SLC35E2B: variants seen among roughly 807,000 people sequenced by gnomAD.
SLC35E2B encodes the protein solute carrier family 35, member E2B.
In SLC35E2B, 18 loss-of-function variants were observed where a neutral mutation model predicts 32.4. The ratio of observed to expected loss-of-function variants is 0.56; its 90% CI spans 0.38 to 0.82. The LOEUF is 0.82. SLC35E2B is among the 40% of genes least tolerant of loss of function. SLC35E2B has a pLI of 0.00. For synonymous variants in SLC35E2B, 132 were observed against 209.1 expected (o/e 0.63, Z 3.18); for missense variants, 263 against 469.5 (o/e 0.56, Z 4.06).
In SLC35E2B at chr1:1,665,306, CCT is replaced by C; in HGVS notation, c.*474_*475del. On this transcript the variant is annotated 3_prime_UTR_variant, in exon 10 of 10. Transcript: ENST00000617444. Reference sequence around the variant, plus strand: ...CCCTTCCTTCCAGGGCCCTCTGTCCCCTCCCTTCGGCCCTGCTCTGTGGCCTC... The same window carrying C: ...CCCTTCCTTCCAGGGCCCTCTGTCCCCCCTTCGGCCCTGCTCTGTGGCCTC... 1 of 336,608 alleles carries C rather than the reference CCT, an allele frequency of 3.0e-6. No individual in the cohort carries two copies. The highest frequency in any genetic ancestry group is 5.4e-6 in the Non-Finnish European group (1 of 186,400). The allele number at this position is 336,608 out of a possible 1,614,324, so 20.9% of individuals were successfully genotyped here.
At chr1:1,668,010 AC>A (rs1343623378) in intron 9 of SLC35E2B, among the ~76,000 whole-genome samples, 1 of 151,724 alleles carries the variant, frequency 6.6e-6, no homozygotes, top group South Asian at 2.1e-4. Flanking sequence ...CCAGCATCAC[AC>A]CCGGCTAATT....
At position 1,666,038 on chromosome 1, in the gene SLC35E2B, G is replaced by C; in HGVS notation, c.981-19C>G. 1 of 1,545,842 alleles carries C rather than the reference G, an allele frequency of 6.5e-7. No individual in the cohort carries two copies. Among genetic ancestry groups the C allele is most frequent in the South Asian group, 1.2e-5 (1 of 83,478 alleles). ...GGCGACGCTGCGGAGGCAAGGGGAG[G>C]CAGCAGGGGCGCTCAGGGCTATGGT... On this transcript the variant is annotated intron_variant, in intron 9 of 9. Transcript: ENST00000617444.
intron 2 of SLC35E2B, among the ~76,000 whole-genome samples, chr1:1,687,331 C>T (rs1180100962): frequency 6.6e-6 from 1 of 152,188 alleles, no homozygotes; most frequent in Non-Finnish European, 1.5e-5. Context: ...AATCCTAGCA[C>T]TTTGGGAGGC....
At chr1:1,690,299 CA>C (rs201505712) in intron 2 of SLC35E2B, among the ~76,000 whole-genome samples, 2,229 of 87,934 alleles carry the variant, frequency 0.025, 84 homozygotes, top group African/African-American at 0.072. Flanking sequence ...AAAAAAGAAA[CA>C]AAAAAAAATA....
rs1643512948 is a variant in SLC35E2B at position 1,665,319 on chromosome 1, C to T, written c.*463G>A. 1 of 371,788 alleles carries T rather than the reference C, an allele frequency of 2.7e-6. No homozygotes were observed. Among genetic ancestry groups the T allele is most frequent in the African/African-American group, 2.1e-5 (1 of 47,860 alleles). The allele number at this position is 371,788 out of a possible 1,614,324, so 23.0% of individuals were successfully genotyped here. Reference sequence around the variant, plus strand: ...GGCCCTCTGTCCCCTCCCTTCGGCCCTGCTCTGTGGCCTCATGCCCAGGGC... The same window carrying T: ...GGCCCTCTGTCCCCTCCCTTCGGCCTTGCTCTGTGGCCTCATGCCCAGGGC... On this transcript the variant is annotated 3_prime_UTR_variant, in exon 10 of 10. Coordinates refer to ENST00000617444, the MANE Select transcript of SLC35E2B (RefSeq NM_001290264.2).
rs138811241 is a variant in SLC35E2B, at chr1:1,678,316, G to A, written c.-147-1470C>T. ...AAGACCTCGCCTGGGTGCTCAGGCCGGCCTCTCCCCCAGCTCACCTGCCCA... is the reference window on the plus strand; with the variant it reads ...AAGACCTCGCCTGGGTGCTCAGGCCAGCCTCTCCCCCAGCTCACCTGCCCA... On this transcript the variant is annotated intron_variant, in intron 2 of 9. Coordinates refer to ENST00000617444, the MANE Select transcript of SLC35E2B (RefSeq NM_001290264.2). 3.3e-3 allele frequency among the ~76,000 whole-genome samples: 506 copies of A among 152,078 alleles called. 5 individuals are homozygous for A. Among genetic ancestry groups the A allele is most frequent in the African/African-American group, 0.011 (468 of 41,450 alleles).
At chr1:1,684,187 G>A (rs1330278281) in intron 2 of SLC35E2B, among the ~76,000 whole-genome samples, 1 of 152,148 alleles carries the variant, frequency 6.6e-6, no homozygotes, top group Non-Finnish European at 1.5e-5. Flanking sequence ...CCCCCAGCCC[G>A]TCCTTTGGCT....
Position 1,664,105 on chromosome 1 carries a change from C to T in SLC35E2B, c.*1677G>A, listed in dbSNP as rs530610094. 182 of 498,996 alleles carry T rather than the reference C, an allele frequency of 3.6e-4. 8 individuals carry two copies. The highest frequency in any genetic ancestry group is 4.5e-4 in the Non-Finnish European group (172 of 384,700). The allele number at this position is 498,996 out of a possible 1,614,324, so 30.9% of individuals were successfully genotyped here. On this transcript the variant is annotated 3_prime_UTR_variant, in exon 10 of 10. Coordinates refer to ENST00000617444, the MANE Select transcript of SLC35E2B (RefSeq NM_001290264.2). Reference sequence around the variant, plus strand: ...GGCTGAGGTGGGAGGATCATTTGAGCCCAGGAAGTCGAGGCTGCAGTGAGC... The same window carrying T: ...GGCTGAGGTGGGAGGATCATTTGAGTCCAGGAAGTCGAGGCTGCAGTGAGC...
chr1:1,685,428 A>AG (rs1302117672), intron 2 of SLC35E2B, among the ~76,000 whole-genome samples: 10 of 151,384 alleles, frequency 6.6e-5, no homozygotes, highest in African/African-American at 9.7e-5. Context: ...AAAAAAAAAA[A>AG]AAAAGAAAAG....
intron 2 of SLC35E2B, among the ~76,000 whole-genome samples, chr1:1,682,177 G>A (rs1238301696): frequency 2.8e-4 from 43 of 152,082 alleles, no homozygotes; most frequent in Admixed American, 2.8e-3. Context: ...ACCTTTCAGA[G>A]GTCATGCGGG....
At chr1:1,673,372 G>C (rs952953975) in intron 5 of SLC35E2B, 1 of 447,794 alleles carries the variant, frequency 2.2e-6, no homozygotes, top group Non-Finnish European at 4.5e-6. Context: ...GTTGGTGGTG[G>C]TGAGAAAGTT....
rs1346528361 is a variant in SLC35E2B, at chr1:1,670,142, A to G, written c.717T>C (p.Asn239=). The G allele has an allele frequency of 6.4e-7, 1 of 1,551,218 alleles. No individual in the cohort carries two copies. The highest frequency in any genetic ancestry group is 2.0e-5 in the Admixed American group (1 of 50,992). ...LSTNIMDCLQ[N]VFSKKLLSGD... is the part of the protein sequence containing the mutation. ...CGCTGAGCAGCTTTTTTGAAAAAAC[A>G]TTTTGCAAACTAGAATAAAGAAAAG... Residue 239 remains asparagine, a synonymous_variant, in exon 7 of 10, where the codon AAT becomes AAC. Coordinates refer to ENST00000617444, the MANE Select transcript of SLC35E2B (RefSeq NM_001290264.2).
At chr1:1,688,261 G>C (rs77165620) in intron 2 of SLC35E2B, among the ~76,000 whole-genome samples, 1 of 152,052 alleles carries the variant, frequency 6.6e-6, no homozygotes, top group East Asian at 1.9e-4. Flanking sequence ...CCACCATCAC[G>C]ATCATCATCA....
chr1:1,678,268 C>T (rs114806341), intron 2 of SLC35E2B, among the ~76,000 whole-genome samples: 5,769 of 152,042 alleles, frequency 0.038, 183 homozygotes, highest in Non-Finnish European at 0.052. Flanking sequence ...CACTGAGGGA[C>T]GCACGCCACC....
rs749740257 is a variant in SLC35E2B, at chr1:1,665,884, T to A, written c.1116A>T (p.Gln372His). Residue 372 changes from glutamine to histidine, a missense_variant, in exon 10 of 10, where the codon CAA becomes CAT. This residue lies in a region of SLC35E2B where 78 missense variants were observed against 71.1 expected (regional missense o/e 1.10). Transcript: ENST00000617444. ...GGCTCTGCAGCGCCTCCTGCTGGTG[T>A]TGCCTGGCTTTGTTGTAGAGCAGGA... The part of the protein sequence containing the change: ...VGVLLYNKAR[Q>H]HQQEALQSLA... 78 of 1,551,048 alleles carry A rather than the reference T, an allele frequency of 5.0e-5. 2 individuals are homozygous for A. The South Asian group carries it at 8.3e-4, about 17-fold the overall frequency.
At chr1:1,684,801 A>AAAC (rs1557765403) in intron 2 of SLC35E2B, among the ~76,000 whole-genome samples, 7 of 147,406 alleles carry the variant, frequency 4.7e-5, no homozygotes, top group Admixed American at 4.1e-4. Context: ...AAAAAAAAAA[A>AAAC]AAAAAAAAAA....
chr1:1,666,829 G>C (rs1193071303), intron 9 of SLC35E2B, among the ~76,000 whole-genome samples: 1 of 152,134 alleles, frequency 6.6e-6, no homozygotes, highest in Non-Finnish European at 1.5e-5. Flanking sequence ...GTGGAGGCCG[G>C]GCGCCGTGGC....
chr1:1,680,466 C>T (rs992901997), intron 2 of SLC35E2B, among the ~76,000 whole-genome samples: 5 of 152,154 alleles, frequency 3.3e-5, no homozygotes, highest in Admixed American at 6.5e-5. Context: ...GCACTTGGGA[C>T]GGGCTACTAG....
At chr1:1,689,143 A>G (rs1360151188) in intron 2 of SLC35E2B, among the ~76,000 whole-genome samples, 1 of 152,030 alleles carries the variant, frequency 6.6e-6, no homozygotes, top group East Asian at 1.9e-4. Context: ...CTACACTCCA[A>G]CCTGGCTGAC....
Sources: gnomAD v4.1 joint callset for allele counts (sites outside exome capture counted in the v4.1 genomes callset) on GRCh38, gnomAD v4.1.1 for gene constraint, gnomAD v4.1.1 regional missense constraint, MANE v1.5 for transcripts, NCBI Gene and HGNC (gene_info 2026-07-23, HGNC 2026-07-21) for gene names.